Variants in KIF15 observed in about 807,000 individuals in gnomAD.
The protein encoded by KIF15 is kinesin-like protein KIF15.
KIF15 carries 140 observed loss-of-function variants against 190.6 expected under a neutral mutation model. The ratio of observed to expected loss-of-function variants is 0.73; its 90% CI spans 0.64 to 0.84. KIF15 has a LOEUF of 0.84. KIF15 is among the 40% of genes least tolerant of loss of function. The pLI, the probability that KIF15 is intolerant of heterozygous loss-of-function variation, is 0.00. For missense variants in KIF15, 1,372 were observed against 1,584.4 expected (o/e 0.87, Z 2.28); for synonymous variants, 528 against 551.3 (o/e 0.96, Z 0.59).
intron 7 of KIF15, among the ~76,000 whole-genome samples, chr3:44,793,962 C>T (rs1343194740): frequency 6.6e-6 from 1 of 151,198 alleles, no homozygotes; most frequent in East Asian, 1.9e-4. Flanking sequence ...CTCACTGCAG[C>T]CTTGAATTCC....
At chr3:44,786,953 T>C (rs1706437102) in intron 7 of KIF15, among the ~76,000 whole-genome samples, 1 of 152,220 alleles carries the variant, frequency 6.6e-6, no homozygotes, top group Admixed American at 6.5e-5. Context: ...TAACTTACCT[T>C]GAGCATTCAG....
chr3:44,802,226 T>C (rs1707310718), intron 13 of KIF15, among the ~76,000 whole-genome samples: 1 of 152,208 alleles, frequency 6.6e-6, no homozygotes, highest in African/African-American at 2.4e-5. Flanking sequence ...TTTCACCCAG[T>C]GGGCAGTTGT....
chr3:44,794,180 CCT>C (rs749470012), intron 7 of KIF15, 35 bp from the exon 8 acceptor site: 2 of 1,543,080 alleles, frequency 1.3e-6, no homozygotes, highest in South Asian at 2.4e-5. Context: ...TGTAACTGGT[CCT>C]CTCATTTCTT....
rs773174592 is a variant in KIF15, at chr3:44,800,296, T to A, written c.1099-18T>A. On this transcript the variant is annotated intron_variant, in intron 10 of 34. Transcript: ENST00000326047. ...CAAAAAGCATTATTTTAATGCTTTT[T>A]AAAAAATTCCTGAACAGGCAGTAGT... is the stretch of plus-strand genomic sequence containing the variant. 3.7e-6 allele frequency: 6 copies of A among 1,612,328 alleles called. No homozygotes were observed. Among genetic ancestry groups the A allele is most frequent in the South Asian group, 1.1e-5 (1 of 90,920 alleles).
At chr3:44,794,835 G>A (rs948152618) in intron 8 of KIF15, among the ~76,000 whole-genome samples, 8 of 152,048 alleles carry the variant, frequency 5.3e-5, no homozygotes, top group Non-Finnish European at 8.8e-5. Context: ...GGTGATGCGC[G>A]CCTGTAGTCC....
intron 16 of KIF15, among the ~76,000 whole-genome samples, chr3:44,806,268 C>T (rs1237757101): frequency 6.6e-6 from 1 of 152,158 alleles, no homozygotes; most frequent in Non-Finnish European, 1.5e-5. Context: ...TTTCTTTTCT[C>T]TAAATTGGAA....
At chr3:44,824,837 G>A (rs765248905) in intron 20 of KIF15, among the ~76,000 whole-genome samples, 5 of 152,198 alleles carry the variant, frequency 3.3e-5, no homozygotes, top group Non-Finnish European at 2.9e-5. Flanking sequence ...ACGGCTTACT[G>A]CAGCCTCAAT....
At chr3:44,839,139 G>A (rs538742271) in intron 27 of KIF15, among the ~76,000 whole-genome samples, 1 of 152,286 alleles carries the variant, frequency 6.6e-6, no homozygotes, top group African/African-American at 2.4e-5. Context: ...GGGAGGCCAA[G>A]GTGGGTGGAT....
At chr3:44,838,191 T>C in intron 26 of KIF15, 84 bp from the exon 27 acceptor site, 2 of 1,390,486 alleles carry the variant, frequency 1.4e-6, no homozygotes, top group Non-Finnish European at 2.0e-6. Context: ...TTCCTTAGTC[T>C]GTTAAAAGTT....
At chr3:44,788,145 G>T (rs535296559) in intron 7 of KIF15, among the ~76,000 whole-genome samples, 52 of 152,300 alleles carry the variant, frequency 3.4e-4, no homozygotes, top group African/African-American at 6.0e-4. Context: ...GAGCTACCGT[G>T]CCCGGCACAT....
intron 26 of KIF15, among the ~76,000 whole-genome samples, chr3:44,834,974 A>G (rs1698239124): frequency 6.7e-6 from 1 of 148,758 alleles, no homozygotes; most frequent in Admixed American, 6.7e-5. Context: ...AGATTATTAT[A>G]TAATATTATG....
chr3:44,852,621 G>C (rs1464951822), intron 34 of KIF15, 52 bp from the exon 35 acceptor site: 2 of 1,368,102 alleles, frequency 1.5e-6, no homozygotes, highest in Non-Finnish European at 2.0e-6. Context: ...ACCACTTCCT[G>C]TAAGAATTAG....
Position 44,797,898 on chromosome 3 carries a change from TTGGG to T in KIF15, c.1041_1044del (p.Phe347LeufsTer15). On this transcript the variant is annotated frameshift_variant, in exon 10 of 35. Transcript: ENST00000326047. LOFTEE classifies it high-confidence loss of function. The stretch of plus-strand genomic sequence containing the variant: ...AATGTTCATCCTGGATCCAGGTGTT[TTGGG>T]GAAACCCTATCAACACTTAACTTTG... The T allele has an allele frequency of 6.2e-7, 1 of 1,613,990 alleles. No homozygotes were observed. Among genetic ancestry groups the T allele is most frequent in the Non-Finnish European group, 8.5e-7 (1 of 1,179,982 alleles).
At chr3:44,798,486 A>G (rs1707104036) in intron 10 of KIF15, among the ~76,000 whole-genome samples, 1 of 151,350 alleles carries the variant, frequency 6.6e-6, no homozygotes, top group Admixed American at 6.6e-5. Flanking sequence ...AATTTTTTGT[A>G]TTTTTTAGTA....
chr3:44,840,064 T>C (rs1431957473), intron 27 of KIF15, among the ~76,000 whole-genome samples: 1 of 152,250 alleles, frequency 6.6e-6, no homozygotes, highest in African/African-American at 2.4e-5. Flanking sequence ...TGCTGGATCA[T>C]ACAGTAGTTC....
In KIF15 at chr3:44,827,588, C is replaced by T. The variant is rs570924557; in HGVS notation, c.2856+60C>T. 1.2e-5 allele frequency: 12 copies of T among 1,009,138 alleles called. No individual in the cohort carries two copies. In the South Asian group the frequency reaches 1.6e-4, roughly 14 times the overall value. The allele number at this position is 1,009,138 out of a possible 1,614,324, so 62.5% of individuals were successfully genotyped here. A position where few individuals can be genotyped will look rare whatever the true frequency, so the allele number is the denominator to read the frequency against. On this transcript the variant is annotated intron_variant, in intron 23 of 34. Transcript: ENST00000326047. The stretch of plus-strand genomic sequence containing the variant: ...AGTTTATAACTTTTATTCCTGATAC[C>T]TAAAAGGCTTATTATAATGATTTCA...
At chr3:44,857,097 A>G (rs557468770), downstream of KIF15, among the ~76,000 whole-genome samples, 1 of 152,258 alleles carries the variant, frequency 6.6e-6, no homozygotes, top group Non-Finnish European at 1.5e-5. Flanking sequence ...AAAGAAGGAA[A>G]TATAGGGAAA....
intron 1 of KIF15, 37 bp downstream of exon 1, chr3:44,761,921 G>T (rs1705161693): frequency 6.2e-7 from 1 of 1,613,908 alleles, no homozygotes; most frequent in African/African-American, 1.3e-5. Flanking sequence ...CCCTATTTTT[G>T]CCCCCAAATA....
intron 1 of KIF15, among the ~76,000 whole-genome samples, chr3:44,765,633 T>C (rs1229345212): frequency 1.3e-5 from 2 of 152,236 alleles, no homozygotes; most frequent in African/African-American, 2.4e-5. Context: ...ACTTCAATTC[T>C]TGCTCCATTG....
Sources: gnomAD v4.1 joint callset for allele counts (sites outside exome capture counted in the v4.1 genomes callset) on GRCh38, gnomAD v4.1.1 for gene constraint, MANE v1.5 for transcripts, NCBI Gene and HGNC (gene_info 2026-07-23, HGNC 2026-07-21) for gene names.